Variants in MYO1H observed in about 807,000 individuals in gnomAD.
The protein encoded by MYO1H is myosin IH.
A neutral mutation model predicts 149.3 loss-of-function variants in MYO1H; 118 were observed. That is an observed-to-expected ratio of 0.79 (90% CI 0.68 to 0.92). The LOEUF is 0.92. MYO1H is among the 40% of genes least tolerant of loss of function. MYO1H has a pLI of 0.00. For missense variants in MYO1H, 1,212 were observed against 1,280.7 expected, an observed-to-expected ratio of 0.95 and a Z score of 0.82; for synonymous variants, 447 against 465.2, an observed-to-expected ratio of 0.96 and a Z score of 0.50.
At chr12:109,338,603 A>G in the MYO1H span, among the ~76,000 whole-genome samples, 1 of 151,910 alleles carries the variant, frequency 6.6e-6, no homozygotes, top group African/African-American at 2.4e-5. Context: ...CCTTGTCTCT[A>G]CTAAAAATAC....
intron 14 of MYO1H, among the ~76,000 whole-genome samples, chr12:109,413,139 A>ATT (rs58457524): frequency 2.0e-5 from 3 of 151,886 alleles, no homozygotes; most frequent in African/African-American, 7.2e-5. Flanking sequence ...ACGCCTGGCT[A>ATT]TTTTTTTGTA....
At position 109,393,464 on chromosome 12, in the gene MYO1H, G is replaced by T; in HGVS notation, c.290+18G>T. The T allele has an allele frequency of 6.6e-7, 1 of 1,504,432 alleles. No individual in the cohort carries two copies. Among genetic ancestry groups the T allele is most frequent in the Non-Finnish European group, 9.1e-7 (1 of 1,099,310 alleles). The allele number at this position is 1,504,432 out of a possible 1,614,324, so 93.2% of individuals were successfully genotyped here. On this transcript the variant is annotated intron_variant, in intron 3 of 31. Transcript: ENST00000310903. ...CCACATGTGTAAGTAGCATCCACAG[G>T]ATCATCACTAGGAGGATTTTTCTTT... is the stretch of plus-strand genomic sequence containing the variant.
At chr12:109,358,846 T>TA (rs541289093) in intron 1 of MYO1H, among the ~76,000 whole-genome samples, 2,630 of 84,462 alleles carry the variant, frequency 0.031, 49 homozygotes, top group South Asian at 0.053. Flanking sequence ...CCTGTGGTGT[T>TA]AAAAAAAAAA....
At chr12:109,375,836 G>A (rs1361390757) in intron 1 of MYO1H, among the ~76,000 whole-genome samples, 1 of 152,072 alleles carries the variant, frequency 6.6e-6, no homozygotes, top group African/African-American at 2.4e-5. Flanking sequence ...AAAATTAGCA[G>A]GGTGTGGTGA....
chr12:109,365,455 C>T (rs539748403), intron 1 of MYO1H, among the ~76,000 whole-genome samples: 1 of 152,266 alleles, frequency 6.6e-6, no homozygotes, highest in South Asian at 2.1e-4. Context: ...ATTATGGCTT[C>T]GGGGCTTTCT....
chr12:109,312,018 A>G, the MYO1H span, among the ~76,000 whole-genome samples: 2 of 152,236 alleles, frequency 1.3e-5, no homozygotes, highest in Non-Finnish European at 2.9e-5. Context: ...CAAAGCTAAG[A>G]TGCCCATGGC....
At chr12:109,328,249 G>A in the MYO1H span, among the ~76,000 whole-genome samples, 21 of 151,846 alleles carry the variant, frequency 1.4e-4, no homozygotes, top group African/African-American at 4.4e-4. Context: ...GTATTACCAA[G>A]TGAACAATTC....
Position 109,384,974 on chromosome 12 carries a change from A to G in MYO1H, c.13-3709A>G, listed in dbSNP as rs181498045. 3.7e-4 allele frequency among the ~76,000 whole-genome samples: 56 copies of G among 152,324 alleles called. 1 individual carries two copies. Among genetic ancestry groups the G allele is most frequent in the African/African-American group, 1.3e-3 (54 of 41,580 alleles). ...TTGCTTTACTATGTTTCTATTTCTA[A>G]TAATCGTGATTATTGATACTAATGA... On this transcript the variant is annotated intron_variant, in intron 1 of 31. Coordinates refer to ENST00000310903, the Ensembl canonical transcript of MYO1H.
intron 1 of MYO1H, among the ~76,000 whole-genome samples, chr12:109,379,075 A>G (rs1229797232): frequency 1.3e-5 from 2 of 152,216 alleles, no homozygotes; most frequent in African/African-American, 2.4e-5. Flanking sequence ...ACCTATGGCT[A>G]TGTAAATTTA....
chr12:109,417,528 C>T (rs1484155991), intron 15 of MYO1H, among the ~76,000 whole-genome samples: 2 of 151,988 alleles, frequency 1.3e-5, no homozygotes, highest in South Asian at 2.1e-4. Flanking sequence ...GGGGTTTCAC[C>T]GTGTTAGCCA....
chr12:109,446,985 A>T (rs1011896637), intron 31 of MYO1H, 174 bp from the exon 32 acceptor site: 1 of 665,684 alleles, frequency 1.5e-6, no homozygotes, highest in Admixed American at 2.2e-5. Flanking sequence ...GAAGAGGCTG[A>T]CAGGCCTCGA....
At chr12:109,329,521 G>A in the MYO1H span, among the ~76,000 whole-genome samples, 2 of 152,146 alleles carry the variant, frequency 1.3e-5, no homozygotes, top group Non-Finnish European at 1.5e-5. Flanking sequence ...GTGCTGAGAT[G>A]AATTTTTGAC....
chr12:109,444,616 C>G (rs372968123), intron 30 of MYO1H, 87 bp downstream of exon 30: 29 of 1,055,150 alleles, frequency 2.7e-5, no homozygotes, highest in East Asian at 2.5e-4. Flanking sequence ...CCTATAATCC[C>G]AGCACTTTGG....
At chr12:109,438,304 C>G (rs773612643) in intron 22 of MYO1H, among the ~76,000 whole-genome samples, 2 of 152,062 alleles carry the variant, frequency 1.3e-5, no homozygotes, top group Non-Finnish European at 2.9e-5. Flanking sequence ...TTCAGGGCTT[C>G]CCTAGAAACC....
At chr12:109,441,956 A>G (rs1164507965) in intron 26 of MYO1H, among the ~76,000 whole-genome samples, 1 of 152,192 alleles carries the variant, frequency 6.6e-6, no homozygotes, top group African/African-American at 2.4e-5. Context: ...CAGAGGCAGG[A>G]GAATGGCTTG....
chr12:109,364,069 T>G (rs190939857), intron 1 of MYO1H, among the ~76,000 whole-genome samples: 2 of 146,070 alleles, frequency 1.4e-5, no homozygotes, highest in Non-Finnish European at 3.0e-5. Flanking sequence ...AGCCGGGAAG[T>G]CTGAGGCAGG....
intron 19 of MYO1H, among the ~76,000 whole-genome samples, chr12:109,430,437 T>C (rs1871560468): frequency 1.3e-5 from 2 of 152,162 alleles, no homozygotes. Flanking sequence ...ATGCTGGTAT[T>C]GCGCAAGGTC....
At chr12:109,432,321 G>A (rs976406494) in intron 19 of MYO1H, among the ~76,000 whole-genome samples, 1 of 151,646 alleles carries the variant, frequency 6.6e-6, no homozygotes, top group Admixed American at 6.6e-5. Flanking sequence ...AAGTAGAGAC[G>A]GGGTCTGCCC....
intron 19 of MYO1H, among the ~76,000 whole-genome samples, chr12:109,427,900 AAAAAAAAAAATATATATATAT>A (rs1404460469): frequency 2.7e-5 from 2 of 75,226 alleles, no homozygotes; most frequent in African/African-American, 6.1e-5. Context: ...AAAAAAAAAA[AAAAAAAAAAATATATATATAT>A]ATATATATAT....
Sources: gnomAD v4.1 joint callset for allele counts (sites outside exome capture counted in the v4.1 genomes callset) on GRCh38, gnomAD v4.1.1 for gene constraint, MANE v1.5 for transcripts, NCBI Gene and HGNC (gene_info 2026-07-23, HGNC 2026-07-21) for gene names.